Variants in PLEKHG4 observed in about 807,000 individuals in gnomAD.
The protein encoded by PLEKHG4 is puratrophin-1.
In PLEKHG4, 85 loss-of-function variants were observed where a neutral mutation model predicts 136.9. The observed-to-expected ratio is 0.62, with a 90% CI of 0.52 to 0.74. PLEKHG4 has a LOEUF of 0.74. PLEKHG4 is among the 30% of genes least tolerant of loss of function. PLEKHG4 has a pLI of 0.00. For missense variants in PLEKHG4, 1,317 were observed against 1,527.8 expected (o/e 0.86, Z 2.30); for synonymous variants, 577 against 646.9 (o/e 0.89, Z 1.64).
In PLEKHG4 at chr16:67,282,264, C is replaced by G. The variant is rs368238236; in HGVS notation, c.1168C>G (p.Leu390Val). The change falls in exon 9 of 22, where the codon CTG (leucine) becomes GTG (valine). Residue 390 changes from leucine (L) to valine (V), a missense_variant. Coordinates refer to ENST00000379344, the MANE Select transcript of PLEKHG4 (RefSeq NM_001129729.3). ...GCAGCAGGTGCTAGACTCGCCATGG[C>G]TGGCATGGCTACAATGCCAGGGGGG... ...LMQQVLDSPW[L>V]AWLQCQGGRE... 1.2e-5 allele frequency: 19 copies of G among 1,613,300 alleles called. No homozygotes were observed. In the Middle Eastern group the frequency reaches 6.6e-4, roughly 56 times the overall value.
Position 67,282,872 on chromosome 16 carries a change from C to G in PLEKHG4, c.1509+14C>G, listed in dbSNP as rs1567435765. On this transcript the variant is annotated intron_variant, in intron 11 of 21. Coordinates refer to ENST00000379344, the MANE Select transcript of PLEKHG4 (RefSeq NM_001129729.3). ...CAGGTTGCCCAGGTATATGTGGTCA[C>G]TTGTTCATGCCACGGGTATTGGGAT... 1 of 1,561,836 alleles carries G rather than the reference C, an allele frequency of 6.4e-7. No individual in the cohort carries two copies. Among genetic ancestry groups the G allele is most frequent in the Non-Finnish European group, 8.8e-7 (1 of 1,133,178 alleles).
intron 5 of PLEKHG4, 41 bp downstream of exon 5, chr16:67,281,225 C>CTT (rs543438570): frequency 1.3e-3 from 1,392 of 1,092,312 alleles, no homozygotes; most frequent in East Asian, 2.0e-3. Context: ...CTTTTCTTTT[C>CTT]TTTTTTTTTT....
At chr16:67,287,262 G>A in intron 18 of PLEKHG4, 85 bp downstream of exon 18, 3 of 1,446,682 alleles carry the variant, frequency 2.1e-6, no homozygotes, top group South Asian at 2.3e-5. Flanking sequence ...CCTGGGAAAA[G>A]CTCGGGAAGT....
chr16:67,280,606 C>T lies in PLEKHG4; in HGVS notation c.499+63C>T, dbSNP rs1268832588. ...TGGGGATGCCTGGAGAGATGAGTGTCAAGACTTTGGAGGTCTCTGACCCTA... is the reference window on the plus strand; with the variant it reads ...TGGGGATGCCTGGAGAGATGAGTGTTAAGACTTTGGAGGTCTCTGACCCTA... On this transcript the variant is annotated intron_variant, in intron 2 of 21. Coordinates refer to ENST00000379344, the MANE Select transcript of PLEKHG4 (RefSeq NM_001129729.3). The surrounding 1 kb of genome is among the most constrained non-coding windows in gnomAD (Gnocchi z 4.4). 5 of 1,612,192 alleles carry T rather than the reference C, an allele frequency of 3.1e-6. No individual in the cohort carries two copies. The South Asian group carries it at 4.4e-5, about 14-fold the overall frequency.
In PLEKHG4 at chr16:67,280,006, C is replaced by T. The variant is rs1319052782; in HGVS notation, c.-39C>T. 6 of 1,602,992 alleles carry T rather than the reference C, an allele frequency of 3.7e-6. No individual in the cohort carries two copies. The highest frequency in any genetic ancestry group is 2.2e-5 in the East Asian group (1 of 44,532). ...GGTTCACACTGAGACCCAGCCCTCT[C>T]CCGCTGGCCCCGAGCAGGCCCACCT... On this transcript the variant is annotated 5_prime_UTR_variant, in exon 2 of 22. Transcript: ENST00000379344. The surrounding 1 kb of genome is among the most constrained non-coding windows in gnomAD (Gnocchi z 4.4).
At position 67,280,054 on chromosome 16, in the gene PLEKHG4, C is replaced by T; in HGVS notation, c.10C>T (p.Pro4Ser). ...CCTTTAGGAGGGCGTGATGGAAAGG[C>T]CCCTGGAGAATGGGGATGAGTCCCC... is the stretch of plus-strand genomic sequence containing the variant. The part of the protein sequence containing the change: MER[P>S]LENGDESPDS... Residue 4 changes from proline to serine, a missense_variant, in exon 2 of 22, where the codon CCC (proline) becomes TCC (serine). Coordinates refer to ENST00000379344, the MANE Select transcript of PLEKHG4 (RefSeq NM_001129729.3). This position sits in a 1 kb window ranked among gnomAD's most constrained non-coding sequence, Gnocchi z 4.4. 1.2e-6 allele frequency: 2 copies of T among 1,613,156 alleles called. No homozygotes were observed. The highest frequency in any genetic ancestry group is 8.5e-7 in the Non-Finnish European group (1 of 1,179,706).
rs2036577023 is a variant in PLEKHG4, at chr16:67,288,231, C to T, written c.3285C>T (p.Ala1095=). 3.1e-6 allele frequency: 5 copies of T among 1,614,026 alleles called. No individual in the cohort carries two copies. In the East Asian group the frequency reaches 1.1e-4, roughly 36 times the overall value. Residue 1095 remains alanine, a synonymous_variant, in exon 20 of 22, where the codon GCC becomes GCT. Transcript: ENST00000379344. ...ACCATGACAGCCTCTACCTGGGGGC[C>T]TCGAACTCCCTTCCTGGAGACCCTG... The part of the protein sequence containing the change: ...PFDHDSLYLG[A]SNSLPGDPAS...
chr16:67,287,391 T>C (rs147695560), intron 18 of PLEKHG4, among the ~76,000 whole-genome samples: 21 of 152,334 alleles, frequency 1.4e-4, no homozygotes, highest in African/African-American at 5.1e-4. Flanking sequence ...ATAAGGGGCA[T>C]CATGGCTCTC....
rs767443708 is a variant in PLEKHG4, at chr16:67,288,794, G to A, written c.3571-9G>A. The A allele has an allele frequency of 6.1e-5, 98 of 1,613,692 alleles. No homozygotes were observed. Among genetic ancestry groups the A allele is most frequent in the Non-Finnish European group, 3.3e-5 (39 of 1,179,912 alleles). ...GAAGCAGGCATTCATGCCTGGCCTG[G>A]CCCTGCAGGTCTGAGCCCGGGACTG... On this transcript the variant is annotated splice_polypyrimidine_tract_variant and intron_variant, in intron 21 of 21. Transcript: ENST00000379344.
At chr16:67,286,718 G>A (rs371256771) in intron 16 of PLEKHG4, 31 bp from the exon 17 acceptor site, 9 of 1,607,512 alleles carry the variant, frequency 5.6e-6, no homozygotes, top group Admixed American at 1.7e-5. Flanking sequence ...GGCAGAAGAG[G>A]CTGGCCACCC....
At position 67,280,640 on chromosome 16, in the gene PLEKHG4, G is replaced by T. The variant is rs747309836; in HGVS notation, c.500-71G>T. ...GGAGGTCTCTGACCCTACTCAGGCT[G>T]AAGCCCGGGTCCAAGTAGGGGTCTC... On this transcript the variant is annotated intron_variant, in intron 2 of 21. Coordinates refer to ENST00000379344, the MANE Select transcript of PLEKHG4 (RefSeq NM_001129729.3). This position sits in a 1 kb window ranked among gnomAD's most constrained non-coding sequence, Gnocchi z 4.4. The T allele has an allele frequency of 1.7e-5, 27 of 1,612,158 alleles. No homozygotes were observed. Among genetic ancestry groups the T allele is most frequent in the Non-Finnish European group, 2.2e-5 (26 of 1,178,572 alleles).
In PLEKHG4 at chr16:67,288,294, G is replaced by A. The variant is rs748030737; in HGVS notation, c.3348G>A (p.Leu1116=). 1.3e-5 allele frequency: 21 copies of A among 1,612,860 alleles called. No homozygotes were observed. The highest frequency in any genetic ancestry group is 1.7e-5 in the Non-Finnish European group (20 of 1,179,988). ...CSVLGSLNLH[L]YRDPALLGLR... ...TTCTGGGGTCCCTCAACCTGCACCT[G>A]TACAGAGACCCAGCTCTTCTGGGTC... The change falls in exon 20 of 22, where the codon CTG becomes CTA. Residue 1116 remains leucine (L), a synonymous_variant. Coordinates refer to ENST00000379344, the MANE Select transcript of PLEKHG4 (RefSeq NM_001129729.3).
rs2036223575 is a variant in PLEKHG4 at position 67,281,495 on chromosome 16, C to T, written c.814-72C>T. On this transcript the variant is annotated intron_variant, in intron 5 of 21. Coordinates refer to ENST00000379344, the MANE Select transcript of PLEKHG4 (RefSeq NM_001129729.3). ...TCCCGCCTCGCCTCCCAGAGTGCCGCAATTACAGGCGTGAGCCACCATGCC... is the reference window on the plus strand; with the variant it reads ...TCCCGCCTCGCCTCCCAGAGTGCCGTAATTACAGGCGTGAGCCACCATGCC... 2.3e-6 allele frequency: 3 copies of T among 1,323,370 alleles called. No individual in the cohort carries two copies. In the Admixed American group the frequency reaches 5.3e-5, roughly 23 times the overall value. 82.0% of individuals were successfully genotyped at this position (1,323,370 alleles called of 1,614,324 possible). A position where few individuals can be genotyped will look rare whatever the true frequency, so the allele number is the denominator to read the frequency against.
Position 67,286,431 on chromosome 16 carries a change from C to T in PLEKHG4, c.2533-14C>T. 3.1e-6 allele frequency: 5 copies of T among 1,611,766 alleles called. No homozygotes were observed. The highest frequency in any genetic ancestry group is 4.2e-6 in the Non-Finnish European group (5 of 1,178,188). ...TGCCCCCAAACCACTCAGTGGCCTC[C>T]CATCCGCCCACAGGACAAGCAGCAA... On this transcript the variant is annotated splice_polypyrimidine_tract_variant and intron_variant, in intron 15 of 21. Coordinates refer to ENST00000379344, the MANE Select transcript of PLEKHG4 (RefSeq NM_001129729.3).
rs190382543 is a variant in PLEKHG4, at chr16:67,286,630, C to T, written c.2718C>T (p.Asn906=). The T allele has an allele frequency of 2.4e-5, 38 of 1,565,780 alleles. No individual in the cohort carries two copies. In the East Asian group the frequency reaches 5.0e-4, roughly 21 times the overall value. Residue 906 remains asparagine, a synonymous_variant, in exon 16 of 22, where the codon AAC becomes AAT. Coordinates refer to ENST00000379344, the MANE Select transcript of PLEKHG4 (RefSeq NM_001129729.3). ...SLVHFQLRHG[N]DLLAMDAIQG... The stretch of plus-strand genomic sequence containing the variant: ...TGCACTTCCAGCTGCGGCACGGAAA[C>T]GACCTGCTGGCCATGGACGCCATCC...
intron 11 of PLEKHG4, among the ~76,000 whole-genome samples, chr16:67,283,985 G>A (rs955971457): frequency 1.3e-5 from 2 of 152,074 alleles, no homozygotes; most frequent in African/African-American, 2.4e-5. Context: ...GCTGAATGAC[G>A]CTGAGAGTTG....
At chr16:67,287,583 A>G in intron 18 of PLEKHG4, 1 of 491,598 alleles carries the variant, frequency 2.0e-6, no homozygotes. Context: ...TTTTTCATAG[A>G]GGTCTCATTA....
At position 67,281,073 on chromosome 16, in the gene PLEKHG4, T is replaced by G. The variant is rs2036196063; in HGVS notation, c.720-18T>G. ...GAGGACTGGGAGTCAGGTACTGAAC[T>G]GAAGCTCACCCCTTTAGGCCCGAAG... On this transcript the variant is annotated intron_variant, in intron 4 of 21. Transcript: ENST00000379344. The G allele has an allele frequency of 1.5e-5, 24 of 1,613,830 alleles. No homozygotes were observed. The highest frequency in any genetic ancestry group is 2.0e-5 in the Non-Finnish European group (24 of 1,179,838).
Position 67,281,789 on chromosome 16 carries a change from A to G in PLEKHG4, c.957A>G (p.Leu319=). 6.2e-7 allele frequency: 1 copy of G among 1,613,722 alleles called. No individual in the cohort carries two copies. The highest frequency in any genetic ancestry group is 8.5e-7 in the Non-Finnish European group (1 of 1,179,986). ...HIPTAGLPTS[L]GGGLPYCHQA... ...CAACGGCGGGGCTGCCCACTTCGCTAGGAGGAGGCCTGCCTTACTGCCACC... is the reference window on the plus strand; with the variant it reads ...CAACGGCGGGGCTGCCCACTTCGCTGGGAGGAGGCCTGCCTTACTGCCACC... Residue 319 remains leucine, a synonymous_variant, in exon 7 of 22, where the codon CTA becomes CTG. Coordinates refer to ENST00000379344, the MANE Select transcript of PLEKHG4 (RefSeq NM_001129729.3).
Sources: allele counts gnomAD v4.1 joint callset (sites outside exome capture counted in the v4.1 genomes callset), GRCh38; gene constraint gnomAD v4.1.1; non-coding constraint Gnocchi (gnomAD v3.1); transcripts MANE v1.5; gene names NCBI Gene and HGNC (gene_info 2026-07-23, HGNC 2026-07-21).